The following SMC6 variants were observed in gnomAD, a reference collection of about 807,000 sequenced individuals.
SMC6 encodes structural maintenance of chromosomes protein 6.
In SMC6, 79 loss-of-function variants were observed where a neutral mutation model predicts 142.2. The observed-to-expected ratio is 0.56, with a 90% CI of 0.46 to 0.67. SMC6 has a LOEUF of 0.67. Ranked by LOEUF, SMC6 falls within the 30% of genes least tolerant of loss-of-function variation. The probability of loss-of-function intolerance (pLI) is 0.00; values close to 1 mark genes in which losing one functional copy is unlikely to be tolerated. For missense variants in SMC6, 1,072 were observed against 1,284.0 expected, an observed-to-expected ratio of 0.83 and a Z score of 2.52; for synonymous variants, 411 against 412.4, an observed-to-expected ratio of 1.00 and a Z score of 0.04.
At chr2:17,749,894 T>A (rs999485545) in intron 2 of SMC6, among the ~76,000 whole-genome samples, 1 of 152,200 alleles carries the variant, frequency 6.6e-6, no homozygotes, top group Non-Finnish European at 1.5e-5. Flanking sequence ...ATCATTTTTT[T>A]AAAAAGGCAA....
intron 26 of SMC6, among the ~76,000 whole-genome samples, chr2:17,668,765 G>A (rs556887404): frequency 1.3e-5 from 2 of 152,192 alleles, no homozygotes; most frequent in Admixed American, 1.3e-4. Flanking sequence ...CCAGGCAGAG[G>A]CACCATGTTT....
chr2:17,689,356 G>A (rs761347947), intron 23 of SMC6, among the ~76,000 whole-genome samples: 1 of 152,172 alleles, frequency 6.6e-6, no homozygotes, highest in Non-Finnish European at 1.5e-5. Flanking sequence ...TAGGAAAGAC[G>A]TGGAGAACCG....
Position 17,714,881 on chromosome 2 carries a change from C to G in SMC6, c.1710G>C (p.Glu570Asp), listed in dbSNP as rs1203871835. ...CTTACCTGTGTCTTACATCATATAT[C>G]TCATTCCGAAACTCAGAAACTATTA... ...PPIIVSEFRN[E>D]IYDVRHRAAY... is the part of the protein sequence containing the mutation. The change falls in exon 16 of 28, where the codon GAG becomes GAC. Residue 570 changes from glutamate to aspartate, a missense_variant. Glu to Asp is a conservative substitution (Grantham distance 45, BLOSUM62 2). Transcript: ENST00000448223. The G allele has an allele frequency of 6.2e-7, 1 of 1,612,902 alleles. No homozygotes were observed. Among genetic ancestry groups the G allele is most frequent in the Non-Finnish European group, 8.5e-7 (1 of 1,179,692 alleles).
chr2:17,702,736 T>C (rs919366854), intron 19 of SMC6, among the ~76,000 whole-genome samples: 2 of 152,102 alleles, frequency 1.3e-5, no homozygotes, highest in African/African-American at 4.8e-5. Flanking sequence ...CTCATGAGAT[T>C]TGATGGTTTT....
At chr2:17,702,808 GC>G (rs1253455864) in intron 19 of SMC6, among the ~76,000 whole-genome samples, 4 of 152,114 alleles carry the variant, frequency 2.6e-5, no homozygotes, top group African/African-American at 9.7e-5. Context: ...CGTAAGATGT[GC>G]CTTTTGCCTT....
rs1361374436 is a variant in SMC6, at chr2:17,720,991, T to C, written c.894A>G (p.Lys298=). The C allele has an allele frequency of 6.2e-7, 1 of 1,613,794 alleles. No homozygotes were observed. Among genetic ancestry groups the C allele is most frequent in the African/African-American group, 1.3e-5 (1 of 75,058 alleles). The change falls in exon 11 of 28, where the codon AAA becomes AAG. Residue 298 remains lysine, a synonymous_variant. Coordinates refer to ENST00000448223, the MANE Select transcript of SMC6 (RefSeq NM_001142286.2). ...KQLNAIRDNI[K]IGEDRAARLD... Reference sequence around the variant, plus strand: ...GTCTAGCAGCACGATCTTCTCCAATTTTGATATTATCTCTGATGGCATTCA... The same window carrying C: ...GTCTAGCAGCACGATCTTCTCCAATCTTGATATTATCTCTGATGGCATTCA...
intron 23 of SMC6, among the ~76,000 whole-genome samples, chr2:17,691,137 G>C (rs1373216073): frequency 6.7e-6 from 1 of 150,266 alleles, no homozygotes; most frequent in Admixed American, 6.6e-5. Flanking sequence ...AGATCTTCAA[G>C]ATATATCACT....
intron 26 of SMC6, 115 bp from the exon 27 acceptor site, chr2:17,666,632 C>T (rs959039199): frequency 1.1e-5 from 8 of 716,588 alleles, no homozygotes; most frequent in Non-Finnish European, 2.0e-5. Context: ...TCAGTCATTA[C>T]ATTATCTATG....
rs1669565925 is a variant in SMC6, at chr2:17,725,410, G to C, written c.625-52C>G. ...AATTAGGAGTTTGTAAACTTCCATA[G>C]AACTGTTAAAAAGAAAAAGAAAAAT... On this transcript the variant is annotated intron_variant, in intron 8 of 27. Coordinates refer to ENST00000448223, the MANE Select transcript of SMC6 (RefSeq NM_001142286.2). 2.3e-6 allele frequency: 3 copies of C among 1,280,234 alleles called. No individual in the cohort carries two copies. In the South Asian group the frequency reaches 4.3e-5, roughly 18 times the overall value. The allele number at this position is 1,280,234 out of a possible 1,614,324, so 79.3% of individuals were successfully genotyped here.
chr2:17,694,111 C>G (rs1289345508), intron 23 of SMC6, among the ~76,000 whole-genome samples: 1 of 151,106 alleles, frequency 6.6e-6, no homozygotes, highest in Non-Finnish European at 1.5e-5. Context: ...AACAACAAAT[C>G]TTGCATATTC....
chr2:17,700,427 T>G (rs1298803207), intron 20 of SMC6, 49 bp from the exon 21 acceptor site: 2 of 1,398,358 alleles, frequency 1.4e-6, no homozygotes, highest in African/African-American at 1.5e-5. Flanking sequence ...ACTTTAAGTT[T>G]TCAAATAGAA....
chr2:17,728,148 A>G (rs896480854), intron 7 of SMC6, among the ~76,000 whole-genome samples: 1 of 152,198 alleles, frequency 6.6e-6, no homozygotes, highest in Non-Finnish European at 1.5e-5. Context: ...ATTATTTAAG[A>G]ATCTTGGCCA....
chr2:17,731,840 C>G lies in SMC6; in HGVS notation c.382G>C (p.Asp128His), dbSNP rs1271048758. ...TACACACTGGCTTTAAAGGCATCAT[C>G]TCCTCTGTTCCTCAATGTTATTGAG... is the stretch of plus-strand genomic sequence containing the variant. ...DISITLRNRG[D>H]DAFKASVYGN... is the part of the protein sequence containing the mutation. Residue 128 changes from aspartate (D) to histidine (H), a missense_variant, in exon 6 of 28, where the codon GAT (aspartate) becomes CAT (histidine). By Grantham distance (81) the Asp-to-His change is moderately conservative. Around this residue, in one of 3 missense-constraint regions of SMC6, gnomAD observed 994 missense variants for 1,153.2 expected, o/e 0.86. Transcript: ENST00000448223. The G allele has an allele frequency of 1.9e-6, 3 of 1,613,800 alleles. No individual in the cohort carries two copies. Among genetic ancestry groups the G allele is most frequent in the South Asian group, 2.2e-5 (2 of 91,060 alleles).
At position 17,678,933 on chromosome 2, in the gene SMC6, C is replaced by G. The variant is rs138881226; in HGVS notation, c.2836G>C (p.Asp946His). The change falls in exon 25 of 28, where the codon GAC (aspartate) becomes CAC (histidine). Residue 946 changes from aspartate to histidine, a missense_variant. Around this residue, in one of 3 missense-constraint regions of SMC6, gnomAD observed 994 missense variants for 1,153.2 expected, o/e 0.86. Coordinates refer to ENST00000448223, the MANE Select transcript of SMC6 (RefSeq NM_001142286.2). ...CLTLRCKLYF[D>H]NLLSQRAYCG... is the part of the protein sequence containing the mutation. ...TAGGCCCGCTGAGATAGTAAGTTGT[C>G]AAAGTATAATTTGCATCGTAAAGTC... 3.3e-4 allele frequency: 531 copies of G among 1,611,700 alleles called. No individual in the cohort carries two copies. The highest frequency in any genetic ancestry group is 4.2e-4 in the Non-Finnish European group (495 of 1,179,076).
intron 23 of SMC6, among the ~76,000 whole-genome samples, chr2:17,692,263 A>G (rs1413983805): frequency 1.3e-5 from 2 of 152,196 alleles, no homozygotes; most frequent in African/African-American, 4.8e-5. Context: ...TCCTAAGCCA[A>G]AAGAACAAAG....
chr2:17,705,754 G>GT (rs1668478816), intron 18 of SMC6, among the ~76,000 whole-genome samples: 1 of 152,008 alleles, frequency 6.6e-6, no homozygotes, highest in African/African-American at 2.4e-5. Flanking sequence ...TTTTTACTGG[G>GT]TAAAACTAAT....
At chr2:17,685,769 A>G (rs1667428130) in intron 23 of SMC6, among the ~76,000 whole-genome samples, 1 of 152,098 alleles carries the variant, frequency 6.6e-6, no homozygotes, top group Non-Finnish European at 1.5e-5. Flanking sequence ...ATCCAGATGT[A>G]ATCAAAGAAT....
At chr2:17,670,619 G>T in intron 25 of SMC6, 44 bp from the exon 26 acceptor site, 1 of 1,476,972 alleles carries the variant, frequency 6.8e-7, no homozygotes, top group Non-Finnish European at 9.0e-7. Context: ...CTAAGTAAAT[G>T]AAAGGCCAGA....
intron 15 of SMC6, 28 bp from the exon 16 acceptor site, chr2:17,715,093 G>T (rs754424648): frequency 1.9e-6 from 3 of 1,595,570 alleles, no homozygotes; most frequent in African/African-American, 2.7e-5. Context: ...TTACAGAAGG[G>T]CTCATAAATA....
Sources: gnomAD v4.1 joint callset for allele counts (sites outside exome capture counted in the v4.1 genomes callset) on GRCh38, gnomAD v4.1.1 for gene constraint, gnomAD v4.1.1 regional missense constraint, MANE v1.5 for transcripts, NCBI Gene and HGNC (gene_info 2026-07-23, HGNC 2026-07-21) for gene names.